MMP8: variants seen among roughly 807,000 people sequenced by gnomAD.
MMP8 encodes the protein matrix metallopeptidase 8, also known as neutrophil collagenase.
In MMP8, 67 loss-of-function variants were observed where a neutral mutation model predicts 51.2. The ratio of observed to expected loss-of-function variants is 1.31; its 90% confidence interval spans 1.08 to 1.60. The LOEUF is 1.60. Among genes scored for constraint, MMP8 ranks in the 40% most tolerant of loss-of-function variants. MMP8 has a pLI of 0.00. For missense variants in MMP8, 654 were observed against 558.1 expected (o/e 1.17, Z -1.73); for synonymous variants, 225 against 191.0 (o/e 1.18, Z -1.47).
rs751481811 is a variant in MMP8 at position 102,716,423 on chromosome 11, GAAAAAAAAAAAAA to G, written c.785-17_785-5del. Reference sequence around the variant, plus strand: ...TGGATAGGGTTGCTTGAAAGTCCTGGAAAAAAAAAAAAAAAAAAAAAAAAGGTCTTTCTTATGA... The same window carrying G: ...TGGATAGGGTTGCTTGAAAGTCCTGGAAAAAAAAAAAGGTCTTTCTTATGA... On this transcript the variant is annotated splice_region_variant and splice_polypyrimidine_tract_variant and intron_variant, in intron 5 of 9. Transcript: ENST00000236826. The G allele has an allele frequency of 2.0e-5, 8 of 395,676 alleles. No homozygotes were observed. The highest frequency in any genetic ancestry group is 1.1e-4 in the African/African-American group (3 of 27,060). 24.5% of individuals were successfully genotyped at this position (395,676 alleles called of 1,614,324 possible).
In MMP8 at chr11:102,715,341, A is replaced by C. The variant is rs748935672; in HGVS notation, c.999T>G (p.Tyr333Ter). The change falls in exon 7 of 10, where the codon TAT (tyrosine) becomes TAG (stop). Residue 333 changes from tyrosine (Y) to a stop codon, truncating the protein, a stop_gained. Coordinates refer to ENST00000236826, the MANE Select transcript of MMP8 (RefSeq NM_002424.3). LOFTEE classifies it high-confidence loss of function. Reference sequence around the variant, plus strand: ...AAATGAGGTCTCTGTCAAAATCTTCATAAGCAGCCTGTATACCAGTTGGAA... The same window carrying C: ...AAATGAGGTCTCTGTCAAAATCTTCCTAAGCAGCCTGTATACCAGTTGGAA... The part of the protein sequence containing the change: ...PSLPTGIQAA[Y>*]EDFDRDLIFL... 9 of 1,612,940 alleles carry C rather than the reference A, an allele frequency of 5.6e-6. No homozygotes were observed. The highest frequency in any genetic ancestry group is 1.3e-5 in the African/African-American group (1 of 74,866).
intron 9 of MMP8, 32 bp downstream of exon 9, chr11:102,713,722 A>G: frequency 1.3e-6 from 2 of 1,509,164 alleles, no homozygotes; most frequent in African/African-American, 1.6e-5. Context: ...CAAACAAACA[A>G]CACATTTATT....
intron 1 of MMP8, chr11:102,724,020 T>C: frequency 5.1e-6 from 1 of 197,418 alleles, no homozygotes; most frequent in Non-Finnish European, 1.1e-5. Flanking sequence ...TGTGTAGCAG[T>C]TGCCTTGCAT....
In MMP8 at chr11:102,712,777, G is replaced by C. The variant is rs985218273; in HGVS notation, c.*571C>G. 6.6e-6 allele frequency: 1 copy of C among 152,356 alleles called. No homozygotes were observed. The highest frequency in any genetic ancestry group is 2.4e-5 in the African/African-American group (1 of 41,420). 9.4% of individuals were successfully genotyped at this position (152,356 alleles called of 1,614,324 possible). ...ATTACATCTGCAAAGACCCTGGTAA[G>C]CTCACATTCATGGGTACCTGGGGTT... is the stretch of plus-strand genomic sequence containing the variant. On this transcript the variant is annotated 3_prime_UTR_variant, in exon 10 of 10. Transcript: ENST00000236826.
intron 4 of MMP8, 115 bp downstream of exon 4, chr11:102,721,286 T>G: frequency 7.0e-7 from 1 of 1,438,396 alleles, no homozygotes. Flanking sequence ...AATGATCACT[T>G]TTTGTGAGTT....
intron 5 of MMP8, 74 bp from the exon 6 acceptor site, chr11:102,716,493 A>G: frequency 3.3e-6 from 3 of 919,738 alleles, no homozygotes; most frequent in African/African-American, 1.7e-5. Context: ...TGGGTACATC[A>G]GAGACTTCTC....
In MMP8 at chr11:102,721,457, C is replaced by T. The variant is rs1591681257; in HGVS notation, c.566G>A (p.Gly189Asp). The T allele has an allele frequency of 1.2e-6, 2 of 1,613,794 alleles. No individual in the cohort carries two copies. The highest frequency in any genetic ancestry group is 2.7e-5 in the African/African-American group (2 of 74,982). The change falls in exon 4 of 10, where the codon GGT becomes GAT. Residue 189 changes from glycine (G) to aspartate (D), a missense_variant. By Grantham distance (94) the Gly-to-Asp change is moderately conservative. Transcript: ENST00000236826. ...ILAHAFQPGQ[G>D]IGGDAHFDAE... ...ATCAAAATGAGCATCTCCTCCAATA[C>T]CTTGGCCTGGCTGAAAGGCATGAGC... is the stretch of plus-strand genomic sequence containing the variant.
Position 102,716,254 on chromosome 11 carries a change from G to T in MMP8, c.902+48C>A, listed in dbSNP as rs758017373. On this transcript the variant is annotated intron_variant, in intron 6 of 9. Coordinates refer to ENST00000236826, the MANE Select transcript of MMP8 (RefSeq NM_002424.3). ...TGACTTAATTTGAATCCAGTTTTAA[G>T]GTATGTCAGTAAGAGGAATCAAAGG... 3 of 1,284,598 alleles carry T rather than the reference G, an allele frequency of 2.3e-6. 1 individual carries two copies. Among genetic ancestry groups the T allele is most frequent in the South Asian group, 2.5e-5 (2 of 79,150 alleles). 79.6% of individuals were successfully genotyped at this position (1,284,598 alleles called of 1,614,324 possible).
Position 102,714,626 on chromosome 11 carries a change from C to T in MMP8, c.1120G>A (p.Val374Ile), listed in dbSNP as rs149306045. 1.0e-4 allele frequency: 159 copies of T among 1,540,508 alleles called. No homozygotes were observed. Among genetic ancestry groups the T allele is most frequent in the African/African-American group, 3.5e-4 (25 of 70,912 alleles). The change falls in exon 8 of 10, where the codon GTC (valine) becomes ATC (isoleucine). Residue 374 changes from valine (V) to isoleucine (I), a missense_variant. Val to Ile is a conservative substitution (Grantham distance 29, BLOSUM62 3). Coordinates refer to ENST00000236826, the MANE Select transcript of MMP8 (RefSeq NM_002424.3). ...DISNYGFPSS[V>I]QAIDAAVFYR... is the part of the protein sequence containing the mutation. ...AAAACAGCTGCGTCAATTGCTTGGA[C>T]GCTGCTGGGGAAGCCATAGTTTGAT...
Position 102,721,754 on chromosome 11 carries a change from T to C in MMP8, c.356A>G (p.Asn119Ser), listed in dbSNP as rs1861480362. 1.2e-6 allele frequency: 2 copies of C among 1,613,450 alleles called. No individual in the cohort carries two copies. The highest frequency in any genetic ancestry group is 1.7e-5 in the Admixed American group (1 of 59,912). The change falls in exon 3 of 10, where the codon AAC becomes AGC. Residue 119 changes from asparagine (N) to serine (S), a missense_variant. Physicochemically the swap from Asn to Ser is conservative, Grantham distance 46. Coordinates refer to ENST00000236826, the MANE Select transcript of MMP8 (RefSeq NM_002424.3). Reference sequence around the variant, plus strand: ...AGCCTCTGACAGCTGTGGGGTATAGTTTCGAATCCTTCAAAATGAGAGGAT... The same window carrying C: ...AGCCTCTGACAGCTGTGGGGTATAGCTTCGAATCCTTCAAAATGAGAGGAT... ...ERTNLTYRIR[N>S]YTPQLSEAEV... is the part of the protein sequence containing the mutation.
intron 1 of MMP8, 56 bp from the exon 2 acceptor site, chr11:102,722,729 G>A (rs1861512901): frequency 1.3e-6 from 2 of 1,594,004 alleles, no homozygotes; most frequent in South Asian, 2.3e-5. Context: ...CAGTTCTCTG[G>A]TCATTTTGCA....
At chr11:102,719,381 A>G (rs1423127078) in intron 4 of MMP8, among the ~76,000 whole-genome samples, 1 of 149,408 alleles carries the variant, frequency 6.7e-6, no homozygotes, top group African/African-American at 2.6e-5. Flanking sequence ...GCATTTTTGT[A>G]TATGCCTACT....
At chr11:102,716,208 A>G in intron 6 of MMP8, 94 bp downstream of exon 6, 1 of 906,370 alleles carries the variant, frequency 1.1e-6, no homozygotes, top group Non-Finnish European at 1.7e-6. Context: ...TATAGAATTC[A>G]AGGAAAAGGT....
intron 1 of MMP8, chr11:102,723,155 T>A: frequency 2.8e-6 from 2 of 712,254 alleles, no homozygotes; most frequent in South Asian, 3.0e-5. Flanking sequence ...CCATGTTGCC[T>A]CTCAAATGAG....
chr11:102,722,609 G>A lies in MMP8; in HGVS notation c.167C>T (p.Thr56Ile). The A allele has an allele frequency of 6.2e-7, 1 of 1,613,908 alleles. No homozygotes were observed. The highest frequency in any genetic ancestry group is 8.5e-7 in the Non-Finnish European group (1 of 1,179,850). The change falls in exon 2 of 10, where the codon ACT becomes ATT. Residue 56 changes from threonine (T) to isoleucine (I), a missense_variant. Transcript: ENST00000236826. ...NQYQSTRKNG[T>I]NVIVEKLKEM... The stretch of plus-strand genomic sequence containing the variant: ...TTTAAGCTTTTCAACGATCACATTA[G>A]TGCCATTCTTCCTTGTAGACTGATA...
chr11:102,718,683 C>CATGGGAAGGG, intron 4 of MMP8, 108 bp from the exon 5 acceptor site: 1 of 1,216,730 alleles, frequency 8.2e-7, no homozygotes, highest in Non-Finnish European at 1.2e-6. Flanking sequence ...GGGAAATAGC[C>CATGGGAAGGG]CTTCCCATGG....
At chr11:102,717,854 C>A (rs1861344214) in intron 5 of MMP8, among the ~76,000 whole-genome samples, 1 of 152,158 alleles carries the variant, frequency 6.6e-6, no homozygotes. Flanking sequence ...CGCCTGTAAT[C>A]CCAGCATTTT....
rs1192057326 is a variant in MMP8 at position 102,711,861 on chromosome 11, T to C, written c.*1487A>G. The C allele has an allele frequency of 6.6e-6, 1 of 152,092 alleles. No individual in the cohort carries two copies. Among genetic ancestry groups the C allele is most frequent in the Admixed American group, 6.6e-5 (1 of 15,262 alleles). The allele number at this position is 152,092 out of a possible 1,614,324, so 9.4% of individuals were successfully genotyped here. A position where few individuals can be genotyped will look rare whatever the true frequency, so the allele number is the denominator to read the frequency against. ...GATTATTTTAATTTTTGAACAAGCATAAAGGTGCCAATTTAATTATCTGTG... is the reference window on the plus strand; with the variant it reads ...GATTATTTTAATTTTTGAACAAGCACAAAGGTGCCAATTTAATTATCTGTG... On this transcript the variant is annotated 3_prime_UTR_variant, in exon 10 of 10. Coordinates refer to ENST00000236826, the MANE Select transcript of MMP8 (RefSeq NM_002424.3).
At chr11:102,721,553 C>T (rs528744698) in intron 3 of MMP8, 27 bp from the exon 4 acceptor site, 1 of 1,613,544 alleles carries the variant, frequency 6.2e-7, no homozygotes, top group African/African-American at 1.3e-5. Context: ...TGTATTAGAT[C>T]CTTGCCAAGT....
Sources: gnomAD v4.1 joint callset for allele counts (sites outside exome capture counted in the v4.1 genomes callset) on GRCh38, gnomAD v4.1.1 for gene constraint, MANE v1.5 for transcripts, NCBI Gene and HGNC (gene_info 2026-07-23, HGNC 2026-07-21) for gene names.